The following NAA35 variants were observed in gnomAD, a reference collection of about 807,000 sequenced individuals.
NAA35 encodes the protein N-alpha-acetyltransferase 35, NatC auxiliary subunit, also known as MAK10 homolog, amino-acid N-acetyltransferase subunit.
A neutral mutation model predicts 101.7 loss-of-function variants in NAA35; 18 were observed. The ratio of observed to expected loss-of-function variants is 0.18; its 90% CI spans 0.12 to 0.26. The LOEUF (loss-of-function observed/expected upper bound fraction) is 0.26, where lower values mean the gene tolerates loss of function less well. NAA35 is among the 10% of genes least tolerant of loss of function. NAA35 has a pLI of 1.00. For missense variants in NAA35, 601 were observed against 886.8 expected, an observed-to-expected ratio of 0.68 and a Z score of 4.09; for synonymous variants, 267 against 273.1, an observed-to-expected ratio of 0.98 and a Z score of 0.22.
intron 6 of NAA35, among the ~76,000 whole-genome samples, chr9:85,969,247 G>A (rs931777875): frequency 5.4e-5 from 8 of 147,012 alleles, no homozygotes; most frequent in African/African-American, 1.8e-4. Context: ...AGACAAGAAG[G>A]TAGATTTTGA....
At chr9:86,011,651 C>T (rs186295750) in intron 15 of NAA35, among the ~76,000 whole-genome samples, 16 of 151,076 alleles carry the variant, frequency 1.1e-4, no homozygotes, top group African/African-American at 3.2e-4. Context: ...GGAGCCACCG[C>T]ACCCGGCTTC....
At chr9:85,991,699 G>T (rs555448311) in intron 11 of NAA35, among the ~76,000 whole-genome samples, 1 of 152,264 alleles carries the variant, frequency 6.6e-6, no homozygotes, top group South Asian at 2.1e-4. Context: ...AATGATAGGA[G>T]ATTGTAGTGG....
intron 11 of NAA35, among the ~76,000 whole-genome samples, chr9:85,985,805 G>T (rs1830623605): frequency 6.6e-6 from 1 of 152,026 alleles, no homozygotes; most frequent in South Asian, 2.1e-4. Context: ...ATTTCAGACT[G>T]GGGGGAAATG....
At chr9:85,996,603 T>G (rs753391670) in intron 12 of NAA35, 26 bp downstream of exon 12, 2 of 1,485,718 alleles carry the variant, frequency 1.3e-6, no homozygotes. Context: ...TGTTCCAGAA[T>G]GTAACTTCCA....
At chr9:85,952,930 G>A (rs185847913) in intron 2 of NAA35, among the ~76,000 whole-genome samples, 12 of 152,114 alleles carry the variant, frequency 7.9e-5, no homozygotes, top group Non-Finnish European at 1.6e-4. Flanking sequence ...ACCATCTTAG[G>A]CCAGGCGTGA....
chr9:85,969,509 A>G (rs1239429877), intron 6 of NAA35, among the ~76,000 whole-genome samples: 3 of 152,164 alleles, frequency 2.0e-5, no homozygotes, highest in Admixed American at 2.0e-4. Context: ...TCTTTGCATA[A>G]TGAATTTACC....
At chr9:85,948,551 T>C (rs1564284396) in intron 2 of NAA35, among the ~76,000 whole-genome samples, 1 of 152,214 alleles carries the variant, frequency 6.6e-6, no homozygotes, top group African/African-American at 2.4e-5. Flanking sequence ...TGGATATCAT[T>C]ATTATCTTCT....
chr9:85,981,312 T>C (rs937337669), intron 11 of NAA35, among the ~76,000 whole-genome samples: 1 of 152,176 alleles, frequency 6.6e-6, no homozygotes, highest in African/African-American at 2.4e-5. Context: ...ACAGCAATAA[T>C]ACTTTTATGA....
intron 7 of NAA35, 25 bp from the exon 8 acceptor site, chr9:85,975,089 T>C: frequency 6.2e-7 from 1 of 1,612,880 alleles, no homozygotes; most frequent in South Asian, 1.1e-5. Context: ...TGTTTCCTTT[T>C]AAAACTTATT....
intron 11 of NAA35, among the ~76,000 whole-genome samples, chr9:85,981,173 T>G (rs1587612463): frequency 6.6e-6 from 1 of 152,224 alleles, no homozygotes; most frequent in African/African-American, 2.4e-5. Flanking sequence ...GGGAGTGTGT[T>G]TATAGGATGA....
chr9:85,974,914 G>A (rs1587602542), intron 6 of NAA35, 53 bp from the exon 7 acceptor site: 9 of 1,271,788 alleles, frequency 7.1e-6, no homozygotes, highest in Middle Eastern at 2.6e-4. Context: ...ATATTTTGCC[G>A]CTATTTAAGG....
intron 13 of NAA35, among the ~76,000 whole-genome samples, chr9:86,005,911 G>A (rs573707730): frequency 2.0e-5 from 3 of 151,856 alleles, no homozygotes; most frequent in African/African-American, 7.2e-5. Flanking sequence ...GGTGGCTCAC[G>A]CCTGTAATCC....
intron 11 of NAA35, among the ~76,000 whole-genome samples, chr9:85,995,197 A>G (rs2118246713): frequency 6.6e-6 from 1 of 151,982 alleles, no homozygotes; most frequent in Non-Finnish European, 1.5e-5. Context: ...AGAGAGTGCT[A>G]GTTGAAGGGA....
chr9:85,998,360 G>A (rs947830624), intron 12 of NAA35, among the ~76,000 whole-genome samples: 4 of 152,066 alleles, frequency 2.6e-5, no homozygotes, highest in African/African-American at 9.7e-5. Context: ...TAATGGCTGT[G>A]TGGTATTCCA....
Position 85,996,591 on chromosome 9 carries a change from T to G in NAA35, c.1056+14T>G. 1 of 1,511,380 alleles carries G rather than the reference T, an allele frequency of 6.6e-7. No individual in the cohort carries two copies. 93.6% of individuals were successfully genotyped at this position (1,511,380 alleles called of 1,614,324 possible). A position where few individuals can be genotyped will look rare whatever the true frequency, so the allele number is the denominator to read the frequency against. The stretch of plus-strand genomic sequence containing the variant: ...CATTGTATCCTGGTAAGTACAAATC[T>G]CTGTTCCAGAATGTAACTTCCATTT... On this transcript the variant is annotated intron_variant, in intron 12 of 22. Transcript: ENST00000361671.
At chr9:85,991,447 A>G (rs140355711) in intron 11 of NAA35, among the ~76,000 whole-genome samples, 2 of 152,254 alleles carry the variant, frequency 1.3e-5, no homozygotes, top group African/African-American at 4.8e-5. Context: ...ATGGGGTGTC[A>G]GATCATAAGT....
chr9:85,945,453 A>G (rs534513164), intron 2 of NAA35, among the ~76,000 whole-genome samples: 1 of 152,154 alleles, frequency 6.6e-6, no homozygotes, highest in African/African-American at 2.4e-5. Flanking sequence ...TAAAACAGAT[A>G]TGATTACACT....
At chr9:85,956,421 T>C (rs756357488) in intron 3 of NAA35, 28 bp downstream of exon 3, 1 of 1,316,898 alleles carries the variant, frequency 7.6e-7, no homozygotes, top group Admixed American at 2.7e-5. Flanking sequence ...GAAAATAGTG[T>C]AGTGTAATGT....
At chr9:85,977,585 C>A in intron 10 of NAA35, 139 bp downstream of exon 10, 1 of 503,864 alleles carries the variant, frequency 2.0e-6, no homozygotes, top group Non-Finnish European at 3.5e-6. Context: ...ATATTTATAC[C>A]AGTGTAACAC....
Sources: gnomAD v4.1 joint callset for allele counts (sites outside exome capture counted in the v4.1 genomes callset) on GRCh38, gnomAD v4.1.1 for gene constraint, MANE v1.5 for transcripts, NCBI Gene and HGNC (gene_info 2026-07-23, HGNC 2026-07-21) for gene names.